Variants in PDE11A observed in about 807,000 individuals in gnomAD.
PDE11A encodes dual 3',5'-cyclic-AMP and -GMP phosphodiesterase 11A.
Under a neutral mutation model 100.5 loss-of-function variants are expected in PDE11A, and 100 were observed. The ratio of observed to expected loss-of-function variants is 1.00; its 90% CI spans 0.85 to 1.18. The LOEUF (loss-of-function observed/expected upper bound fraction) is 1.18, where lower values mean the gene tolerates loss of function less well. Among genes scored for constraint, PDE11A ranks in the 50% most tolerant of loss-of-function variants. The probability of loss-of-function intolerance (pLI) is 0.00; values close to 1 mark genes in which losing one functional copy is unlikely to be tolerated. For synonymous variants in PDE11A, 381 were observed against 420.8 expected, an observed-to-expected ratio of 0.91 and a Z score of 1.16; for missense variants, 1,141 against 1,152.6, an observed-to-expected ratio of 0.99 and a Z score of 0.15.
chr2:178,068,230 T>G (rs892103689), intron 1 of PDE11A, among the ~76,000 whole-genome samples: 2 of 150,834 alleles, frequency 1.3e-5, no homozygotes, highest in African/African-American at 4.9e-5. Flanking sequence ...TAAAAATGAA[T>G]GTTTTTTTTT....
rs1427958845 is a variant in PDE11A at position 177,675,507 on chromosome 2, A to G, written c.2435T>C (p.Met812Thr). The stretch of plus-strand genomic sequence containing the variant: ...CACGGCTCCAAGGTCACAGGCTGTC[A>G]TTAACATTGATCTGAAAAACAGAAC... ...NHRDIFRSML[M>T]TACDLGAVTK... is the part of the protein sequence containing the mutation. Residue 812 changes from methionine to threonine, a missense_variant, in exon 17 of 20, where the codon ATG becomes ACG. Transcript: ENST00000286063. The G allele has an allele frequency of 1.2e-6, 2 of 1,613,462 alleles. 1 individual carries two copies. Among genetic ancestry groups the G allele is most frequent in the South Asian group, 2.2e-5 (2 of 91,052 alleles).
intron 4 of PDE11A, among the ~76,000 whole-genome samples, chr2:177,889,993 G>A (rs1440995800): frequency 6.6e-6 from 1 of 152,064 alleles, no homozygotes; most frequent in African/African-American, 2.4e-5. Context: ...AATGAATAAT[G>A]GATGGGGAGG....
At chr2:177,791,100 A>C (rs939181730) in intron 9 of PDE11A, among the ~76,000 whole-genome samples, 8 of 152,220 alleles carry the variant, frequency 5.3e-5, no homozygotes, top group Non-Finnish European at 1.0e-4. Flanking sequence ...ATGTTTATTG[A>C]GGCACTATTC....
At chr2:177,861,293 G>A (rs2083941649) in intron 5 of PDE11A, among the ~76,000 whole-genome samples, 1 of 151,020 alleles carries the variant, frequency 6.6e-6, no homozygotes, top group African/African-American at 2.4e-5. Flanking sequence ...CACTAACATT[G>A]AACAAATCAA....
intron 9 of PDE11A, among the ~76,000 whole-genome samples, chr2:177,779,334 T>A (rs1462860807): frequency 2.0e-5 from 3 of 152,216 alleles, no homozygotes; most frequent in African/African-American, 7.2e-5. Context: ...GCTGAAGCTA[T>A]GGCAATTTCA....
intron 12 of PDE11A, among the ~76,000 whole-genome samples, chr2:177,712,833 G>A (rs140581548): frequency 1.6e-4 from 25 of 152,262 alleles, no homozygotes; most frequent in Non-Finnish European, 3.5e-4. Context: ...CAGAGAGTGG[G>A]AGGAGGGGGA....
Position 177,628,679 on chromosome 2 carries a change from A to G in PDE11A, c.*728T>C, listed in dbSNP as rs1482524227. The stretch of plus-strand genomic sequence containing the variant: ...CCCTTACTTTAATCAAAATCTATCA[A>G]TCCATTCCTTCTGGGAGAAAACTTT... On this transcript the variant is annotated 3_prime_UTR_variant, in exon 20 of 20. Coordinates refer to ENST00000286063, the MANE Select transcript of PDE11A (RefSeq NM_016953.4). The G allele has an allele frequency of 1.3e-5, 2 of 152,420 alleles. No homozygotes were observed. The highest frequency in any genetic ancestry group is 4.8e-5 in the African/African-American group (2 of 41,434). The allele number at this position is 152,420 out of a possible 1,614,324, so 9.4% of individuals were successfully genotyped here.
chr2:177,644,725 C>T (rs1011011289), intron 19 of PDE11A, among the ~76,000 whole-genome samples: 1 of 152,154 alleles, frequency 6.6e-6, no homozygotes, highest in Admixed American at 6.5e-5. Flanking sequence ...GTGTCCCCAC[C>T]AAAATCTCAT....
intron 2 of PDE11A, among the ~76,000 whole-genome samples, chr2:177,945,817 G>A (rs2085412566): frequency 9.4e-6 from 1 of 106,678 alleles, no homozygotes; most frequent in African/African-American, 2.7e-5. Flanking sequence ...GTGCCATCCG[G>A]GAGGGAGGTG....
At chr2:178,005,656 T>A (rs2105820894) in intron 2 of PDE11A, among the ~76,000 whole-genome samples, 1 of 152,362 alleles carries the variant, frequency 6.6e-6, no homozygotes, top group East Asian at 1.9e-4. Flanking sequence ...AACATAATAC[T>A]GTCTACTAAG....
chr2:177,861,763 A>G (rs1039951144), intron 5 of PDE11A, among the ~76,000 whole-genome samples: 2 of 151,900 alleles, frequency 1.3e-5, no homozygotes, highest in African/African-American at 4.8e-5. Context: ...TCATAAACCT[A>G]TATATCTATG....
intron 19 of PDE11A, among the ~76,000 whole-genome samples, chr2:177,648,605 T>G (rs2080258538): frequency 1.3e-5 from 2 of 151,912 alleles, no homozygotes; most frequent in African/African-American, 4.8e-5. Context: ...ACCTAGAAAA[T>G]ATTGAAAAAG....
chr2:177,676,085 T>G, intron 16 of PDE11A: 1 of 188,456 alleles, frequency 5.3e-6, no homozygotes, highest in South Asian at 1.0e-4. Flanking sequence ...CAATGGTTTA[T>G]AAGCATTATG....
At chr2:177,887,746 C>G (rs1243768299) in intron 4 of PDE11A, among the ~76,000 whole-genome samples, 1 of 152,136 alleles carries the variant, frequency 6.6e-6, no homozygotes, top group Non-Finnish European at 1.5e-5. Flanking sequence ...AGAGTGAAAC[C>G]CTGTCTCAAA....
intron 2 of PDE11A, among the ~76,000 whole-genome samples, chr2:177,924,330 A>G (rs1244028238): frequency 6.6e-6 from 1 of 152,200 alleles, no homozygotes; most frequent in East Asian, 1.9e-4. Flanking sequence ...AGAAATGCTG[A>G]CTACCAAGTA....
chr2:177,909,031 T>A (rs529492960), intron 2 of PDE11A, among the ~76,000 whole-genome samples: 44 of 152,286 alleles, frequency 2.9e-4, no homozygotes, highest in African/African-American at 1.1e-3. Context: ...GACAGATGAA[T>A]GGTATTTACT....
chr2:177,828,975 A>G (rs2083267284), intron 6 of PDE11A, among the ~76,000 whole-genome samples: 2 of 152,072 alleles, frequency 1.3e-5, no homozygotes, highest in African/African-American at 2.4e-5. Flanking sequence ...GGATTTGTAC[A>G]TGAAATAGTA....
intron 6 of PDE11A, among the ~76,000 whole-genome samples, chr2:177,835,737 G>C (rs1158087706): frequency 6.6e-6 from 1 of 152,202 alleles, no homozygotes; most frequent in Non-Finnish European, 1.5e-5. Context: ...GTTCTGGGTG[G>C]GCGTGGGCTC....
chr2:177,928,560 C>A (rs34956941), intron 2 of PDE11A, among the ~76,000 whole-genome samples: 15,927 of 152,168 alleles, frequency 0.1, 1,148 homozygotes, highest in Non-Finnish European at 0.15. Flanking sequence ...AGTGCAGTAT[C>A]TCCAGTTCCT....
Sources: allele counts gnomAD v4.1 joint callset (sites outside exome capture counted in the v4.1 genomes callset), GRCh38; gene constraint gnomAD v4.1.1; transcripts MANE v1.5; gene names NCBI Gene and HGNC (gene_info 2026-07-23, HGNC 2026-07-21).